Variants in ADAMTSL3 observed in about 807,000 individuals in gnomAD.
ADAMTSL3 encodes the protein ADAMTS-like protein 3.
A neutral mutation model predicts 201.7 loss-of-function variants in ADAMTSL3; 128 were observed. That is an observed-to-expected ratio of 0.63 (90% CI 0.55 to 0.73). The LOEUF is 0.73. Ranked by LOEUF, ADAMTSL3 falls within the 30% of genes least tolerant of loss-of-function variation. The pLI is 0.00. For missense variants in ADAMTSL3, 1,990 were observed against 2,119.6 expected, an observed-to-expected ratio of 0.94 and a Z score of 1.20; for synonymous variants, 738 against 748.4, an observed-to-expected ratio of 0.99 and a Z score of 0.23.
chr15:83,771,912 A>G (rs1035548259), intron 3 of ADAMTSL3, among the ~76,000 whole-genome samples: 2 of 151,002 alleles, frequency 1.3e-5, no homozygotes, highest in Non-Finnish European at 2.9e-5. Context: ...CCTGGAGTGC[A>G]GTGGCACGAT....
intron 5 of ADAMTSL3, among the ~76,000 whole-genome samples, chr15:83,814,339 C>T (rs2063740133): frequency 6.6e-6 from 1 of 152,126 alleles, no homozygotes; most frequent in South Asian, 2.1e-4. Context: ...ATTTTAGTCC[C>T]CTCCGTGGAT....
chr15:83,950,279 A>G (rs2066733920), intron 19 of ADAMTSL3, among the ~76,000 whole-genome samples: 1 of 152,004 alleles, frequency 6.6e-6, no homozygotes, highest in African/African-American at 2.4e-5. Flanking sequence ...TCCCCAATGT[A>G]TGATCTTGGC....
At chr15:83,880,993 G>A (rs1024257186) in intron 9 of ADAMTSL3, among the ~76,000 whole-genome samples, 5 of 151,892 alleles carry the variant, frequency 3.3e-5, no homozygotes, top group African/African-American at 7.3e-5. Flanking sequence ...TGTATATTGT[G>A]GAAGAAAGGT....
intron 17 of ADAMTSL3, among the ~76,000 whole-genome samples, chr15:83,927,211 G>A (rs1349734272): frequency 2.0e-5 from 3 of 151,948 alleles, no homozygotes; most frequent in Non-Finnish European, 4.4e-5. Flanking sequence ...CTGCCTCCTG[G>A]GTTCAAGTGA....
chr15:83,835,048 C>G (rs1214304094), intron 6 of ADAMTSL3, among the ~76,000 whole-genome samples: 8 of 152,004 alleles, frequency 5.3e-5, no homozygotes, highest in African/African-American at 1.9e-4. Context: ...TCCTGGCTAA[C>G]ACAGTGAAAC....
intron 15 of ADAMTSL3, among the ~76,000 whole-genome samples, chr15:83,910,252 G>A (rs1054703964): frequency 1.3e-5 from 2 of 151,804 alleles, no homozygotes; most frequent in Admixed American, 1.3e-4. Context: ...GTGCAAAGAC[G>A]TAGGTAACAC....
chr15:83,851,193 G>A (rs1002571120), intron 7 of ADAMTSL3, among the ~76,000 whole-genome samples: 1 of 152,210 alleles, frequency 6.6e-6, no homozygotes, highest in Non-Finnish European at 1.5e-5. Context: ...AACTTTAGTG[G>A]AGGGTTACAG....
At chr15:83,696,209 A>G (rs1234025601) in intron 2 of ADAMTSL3, among the ~76,000 whole-genome samples, 1 of 152,166 alleles carries the variant, frequency 6.6e-6, no homozygotes, top group Non-Finnish European at 1.5e-5. Context: ...CTAACTTCCC[A>G]TTCAAATACT....
chr15:83,938,908 A>G (rs1019949326), intron 17 of ADAMTSL3, among the ~76,000 whole-genome samples: 9 of 152,102 alleles, frequency 5.9e-5, no homozygotes, highest in African/African-American at 2.4e-5. Flanking sequence ...ATTTTGCTCT[A>G]TTCTCCAGCC....
chr15:83,665,724 A>T (rs2061239477), intron 2 of ADAMTSL3, among the ~76,000 whole-genome samples: 1 of 152,338 alleles, frequency 6.6e-6, no homozygotes, highest in Middle Eastern at 3.4e-3. Flanking sequence ...TTCCTCTCCA[A>T]GTATTTCATG....
At position 83,982,334 on chromosome 15, in the gene ADAMTSL3, G is replaced by A; in HGVS notation, c.2706G>A (p.Gln902=). Residue 902 remains glutamine (Q), a synonymous_variant, in exon 21 of 30, where the codon CAG becomes CAA. Coordinates refer to ENST00000286744, the MANE Select transcript of ADAMTSL3 (RefSeq NM_207517.3). ...GEQGPQILSV[Q]RVYIQTREEK... is the part of the protein sequence containing the mutation. The stretch of plus-strand genomic sequence containing the variant: ...AGGGTCCGCAGATCCTCAGTGTCCA[G>A]AGAGTCTACATTCAGACAAGGGAAG... 1.2e-6 allele frequency: 2 copies of A among 1,613,852 alleles called. No homozygotes were observed. Among genetic ancestry groups the A allele is most frequent in the Non-Finnish European group, 1.7e-6 (2 of 1,179,976 alleles).
At chr15:84,016,039 A>G (rs775178734) in intron 24 of ADAMTSL3, among the ~76,000 whole-genome samples, 2 of 152,194 alleles carry the variant, frequency 1.3e-5, no homozygotes, top group Non-Finnish European at 2.9e-5. Flanking sequence ...TGCTCCCAGC[A>G]TTCCTCTTAA....
At chr15:83,829,103 A>T (rs1225348420) in intron 6 of ADAMTSL3, among the ~76,000 whole-genome samples, 1 of 152,224 alleles carries the variant, frequency 6.6e-6, no homozygotes, top group African/African-American at 2.4e-5. Flanking sequence ...AAGGAATGGT[A>T]CCAGCTCCTC....
At chr15:83,893,271 T>G (rs1355526579) in intron 13 of ADAMTSL3, among the ~76,000 whole-genome samples, 2 of 152,206 alleles carry the variant, frequency 1.3e-5, no homozygotes, top group Admixed American at 6.5e-5. Context: ...ACAATTTAAA[T>G]TGTTTAAATT....
At chr15:83,907,372 A>G (rs944432028) in intron 15 of ADAMTSL3, among the ~76,000 whole-genome samples, 5 of 152,118 alleles carry the variant, frequency 3.3e-5, no homozygotes, top group East Asian at 1.9e-4. Context: ...CAGGTTTAAA[A>G]TGAATAAATT....
intron 8 of ADAMTSL3, among the ~76,000 whole-genome samples, chr15:83,860,041 G>A (rs891921693): frequency 7.2e-5 from 11 of 152,110 alleles, no homozygotes; most frequent in East Asian, 1.9e-4. Context: ...AGTGGCGCAC[G>A]CCTGTAGTCC....
At chr15:83,713,299 A>G (rs1258791736) in intron 3 of ADAMTSL3, among the ~76,000 whole-genome samples, 3 of 152,240 alleles carry the variant, frequency 2.0e-5, no homozygotes, top group Admixed American at 6.5e-5. Context: ...GACCGCATTC[A>G]TCAACCCCCT....
intron 25 of ADAMTSL3, among the ~76,000 whole-genome samples, chr15:84,017,576 C>T (rs2068110721): frequency 6.6e-6 from 1 of 152,122 alleles, no homozygotes; most frequent in Non-Finnish European, 1.5e-5. Context: ...AATGTAGTTT[C>T]TAGGCTTTCA....
chr15:83,919,773 A>G (rs2066103622), intron 16 of ADAMTSL3, among the ~76,000 whole-genome samples: 2 of 152,198 alleles, frequency 1.3e-5, no homozygotes, highest in African/African-American at 2.4e-5. Context: ...AGGCAAAGCA[A>G]TAAGTTTTCT....
Sources: allele counts gnomAD v4.1 joint callset (sites outside exome capture counted in the v4.1 genomes callset), GRCh38; gene constraint gnomAD v4.1.1; transcripts MANE v1.5; gene names NCBI Gene and HGNC (gene_info 2026-07-23, HGNC 2026-07-21).